The following SPATS2L variants were observed in gnomAD, a reference collection of about 807,000 sequenced individuals.
The protein encoded by SPATS2L is spermatogenesis associated serine rich 2 like.
Under a neutral mutation model 59.6 loss-of-function variants are expected in SPATS2L, and 30 were observed. That is an observed-to-expected ratio of 0.50 (90% CI 0.38 to 0.68). The LOEUF (loss-of-function observed/expected upper bound fraction) is 0.68. Ranked by LOEUF, SPATS2L falls within the 30% of genes least tolerant of loss-of-function variation. The pLI, the probability that SPATS2L is intolerant of heterozygous loss-of-function variation, is 0.00. For synonymous variants in SPATS2L, 252 were observed against 263.5 expected (o/e 0.96, Z 0.42); for missense variants, 615 against 700.0 (o/e 0.88, Z 1.37).
At chr2:200,343,803 G>A (rs533097053) in intron 2 of SPATS2L, among the ~76,000 whole-genome samples, 159 of 152,212 alleles carry the variant, frequency 1.0e-3, no homozygotes, top group African/African-American at 3.8e-3. Flanking sequence ...AGATGTTTAT[G>A]ATACATTGTT....
intron 1 of SPATS2L, among the ~76,000 whole-genome samples, chr2:200,309,337 GT>G (rs1253565653): frequency 6.6e-6 from 1 of 152,204 alleles, no homozygotes; most frequent in Non-Finnish European, 1.5e-5. Context: ...GATGGAAAAA[GT>G]TGTGGTTGCT....
chr2:200,418,149 A>G (rs1180146267), intron 5 of SPATS2L, among the ~76,000 whole-genome samples: 1 of 152,152 alleles, frequency 6.6e-6, no homozygotes, highest in Non-Finnish European at 1.5e-5. Context: ...TTTTATTTCA[A>G]AGGAAATAAA....
chr2:200,399,497 T>G (rs1409029613), intron 3 of SPATS2L, among the ~76,000 whole-genome samples: 1 of 152,224 alleles, frequency 6.6e-6, no homozygotes, highest in East Asian at 1.9e-4. Flanking sequence ...TTTTTAAAAT[T>G]TTTAGTGGCT....
At chr2:200,382,006 T>C (rs1197156371) in intron 2 of SPATS2L, among the ~76,000 whole-genome samples, 1 of 152,124 alleles carries the variant, frequency 6.6e-6, no homozygotes, top group Non-Finnish European at 1.5e-5. Context: ...TAACTGCAAC[T>C]CTTTGCACCT....
At chr2:200,346,462 C>T (rs1440054342) in intron 2 of SPATS2L, among the ~76,000 whole-genome samples, 1 of 152,146 alleles carries the variant, frequency 6.6e-6, no homozygotes, top group African/African-American at 2.4e-5. Flanking sequence ...GCCTTCATAA[C>T]TCAAGACCAA....
At chr2:200,366,603 C>A (rs377245069) in intron 2 of SPATS2L, among the ~76,000 whole-genome samples, 1 of 152,102 alleles carries the variant, frequency 6.6e-6, no homozygotes, top group East Asian at 1.9e-4. Context: ...AGGCATAATA[C>A]CATGACTGTG....
chr2:200,477,574 G>T, intron 12 of SPATS2L, 62 bp from the exon 13 acceptor site: 60 of 779,286 alleles, frequency 7.7e-5, no homozygotes, highest in East Asian at 1.2e-4. Flanking sequence ...TTTTCCTGAT[G>T]TCTACTGGTG....
chr2:200,414,955 A>G (rs2083006300), intron 4 of SPATS2L, among the ~76,000 whole-genome samples: 1 of 152,228 alleles, frequency 6.6e-6, no homozygotes, highest in African/African-American at 2.4e-5. Flanking sequence ...TAAAATGAAC[A>G]GTATTTAGCA....
intron 3 of SPATS2L, among the ~76,000 whole-genome samples, chr2:200,405,520 A>G (rs542272739): frequency 1.1e-4 from 16 of 152,178 alleles, no homozygotes; most frequent in Non-Finnish European, 2.4e-4. Flanking sequence ...AAATTATGGA[A>G]TTATCCATGA....
At chr2:200,358,910 C>G (rs748004872) in intron 2 of SPATS2L, among the ~76,000 whole-genome samples, 103 of 151,988 alleles carry the variant, frequency 6.8e-4, no homozygotes, top group Non-Finnish European at 7.4e-4. Context: ...TCCCTTGAGC[C>G]CAGGAGTTCA....
chr2:200,381,614 C>T (rs1351932487), intron 2 of SPATS2L, among the ~76,000 whole-genome samples: 1 of 152,198 alleles, frequency 6.6e-6, no homozygotes, highest in Non-Finnish European at 1.5e-5. Flanking sequence ...TAATATATTG[C>T]ATGCCTTCAA....
At chr2:200,468,684 A>T (rs1325606334) in intron 10 of SPATS2L, among the ~76,000 whole-genome samples, 1 of 152,082 alleles carries the variant, frequency 6.6e-6, no homozygotes, top group Non-Finnish European at 1.5e-5. Context: ...CTCTGCCTAC[A>T]CTGTCTCCCT....
intron 2 of SPATS2L, among the ~76,000 whole-genome samples, chr2:200,341,866 A>G (rs2080340612): frequency 6.6e-6 from 1 of 151,308 alleles, no homozygotes; most frequent in Non-Finnish European, 1.5e-5. Context: ...TTTTTTTTGT[A>G]TTTTTAGTAG....
chr2:200,363,109 G>A (rs774013212), intron 2 of SPATS2L, among the ~76,000 whole-genome samples: 9 of 152,024 alleles, frequency 5.9e-5, no homozygotes, highest in Non-Finnish European at 5.9e-5. Flanking sequence ...ATTGCTACAC[G>A]TCTCTGAAAG....
At chr2:200,347,141 G>A (rs1329184829) in intron 2 of SPATS2L, among the ~76,000 whole-genome samples, 5 of 152,170 alleles carry the variant, frequency 3.3e-5, no homozygotes, top group South Asian at 4.2e-4. Context: ...TTTCTAGGCC[G>A]AGCATGGAAA....
At chr2:200,391,162 AAAAC>A (rs1048967335) in intron 3 of SPATS2L, among the ~76,000 whole-genome samples, 5 of 152,192 alleles carry the variant, frequency 3.3e-5, no homozygotes, top group Admixed American at 1.3e-4. Context: ...TTTGTCTCAA[AAAAC>A]AAACAAACAA....
intron 6 of SPATS2L, among the ~76,000 whole-genome samples, chr2:200,436,598 A>G (rs916716540): frequency 1.3e-5 from 2 of 152,198 alleles, no homozygotes; most frequent in Admixed American, 6.5e-5. Context: ...AAATGTTTTC[A>G]GCTCTAGGTT....
chr2:200,388,174 A>G (rs943651271), intron 2 of SPATS2L, among the ~76,000 whole-genome samples: 10 of 152,186 alleles, frequency 6.6e-5, no homozygotes, highest in African/African-American at 9.7e-5. Context: ...TGAAAAAACA[A>G]ATTTAAAACT....
At chr2:200,367,186 T>C (rs1291709252) in intron 2 of SPATS2L, among the ~76,000 whole-genome samples, 1 of 152,250 alleles carries the variant, frequency 6.6e-6, no homozygotes. Context: ...AGAATTTCTT[T>C]TATCTTTGGG....
Sources: allele counts gnomAD v4.1 joint callset (sites outside exome capture counted in the v4.1 genomes callset), GRCh38; gene constraint gnomAD v4.1.1; transcripts MANE v1.5; gene names NCBI Gene and HGNC (gene_info 2026-07-23, HGNC 2026-07-21).